RFX4: variants seen among roughly 807,000 people sequenced by gnomAD.
RFX4 encodes regulatory factor X4, also known as transcription factor RFX4.
In RFX4, 10 loss-of-function variants were observed where a neutral mutation model predicts 95.0. That is an observed-to-expected ratio of 0.11 (90% CI 0.06 to 0.18). RFX4 has a LOEUF of 0.18. Ranked by LOEUF, RFX4 falls within the 10% of genes least tolerant of loss-of-function variation. The probability of loss-of-function intolerance (pLI) is 1.00; values close to 1 mark genes in which losing one functional copy is unlikely to be tolerated. For missense variants in RFX4, 640 were observed against 922.0 expected, an observed-to-expected ratio of 0.69 and a Z score of 3.96; for synonymous variants, 321 against 340.7, an observed-to-expected ratio of 0.94 and a Z score of 0.64.
intron 17 of RFX4, among the ~76,000 whole-genome samples, chr12:106,755,071 A>T (rs1458430567): frequency 1.3e-5 from 2 of 152,102 alleles, no homozygotes; most frequent in African/African-American, 2.4e-5. Context: ...AAATATACAG[A>T]CTCACTTAAT....
At chr12:106,625,280 G>A (rs575641287) in intron 2 of RFX4, among the ~76,000 whole-genome samples, 3 of 152,122 alleles carry the variant, frequency 2.0e-5, no homozygotes, top group Admixed American at 6.5e-5. Context: ...CAGTTGATTC[G>A]CTAGAGATTC....
At chr12:106,700,403 CTTTT>C (rs989886928) in intron 8 of RFX4, among the ~76,000 whole-genome samples, 2 of 122,694 alleles carry the variant, frequency 1.6e-5, no homozygotes, top group Non-Finnish European at 1.7e-5. Context: ...TCTTCTTTTT[CTTTT>C]TTTTTTTTTT....
rs1277698050 is a variant in RFX4 at position 106,761,421 on chromosome 12, T to C, written c.2160T>C (p.Pro720=). The C allele has an allele frequency of 6.2e-7, 1 of 1,614,018 alleles. No homozygotes were observed. Among genetic ancestry groups the C allele is most frequent in the Non-Finnish European group, 8.5e-7 (1 of 1,180,026 alleles). The change falls in exon 18 of 18, where the codon CCT becomes CCC. Residue 720 remains proline, a synonymous_variant. Transcript: ENST00000392842. ...AATATGAGCACATGCAACACTTTCC[T>C]GGCTTTGCTTACATCAACGGAGAGG... ...NSEYEHMQHF[P]GFAYINGEAS... is the part of the protein sequence containing the mutation.
At chr12:106,705,842 A>T (rs766228593) in intron 8 of RFX4, among the ~76,000 whole-genome samples, 2 of 152,194 alleles carry the variant, frequency 1.3e-5, no homozygotes, top group Non-Finnish European at 2.9e-5. Context: ...AGCATTTCTT[A>T]TGTGCCTACT....
intron 14 of RFX4, among the ~76,000 whole-genome samples, chr12:106,732,703 A>ATAAG (rs2042635764): frequency 6.6e-6 from 1 of 151,610 alleles, no homozygotes; most frequent in African/African-American, 2.4e-5. Flanking sequence ...CCATCTCAAA[A>ATAAG]TAAGTAAATA....
chr12:106,709,211 C>G (rs1291296992), intron 8 of RFX4, 119 bp from the exon 9 acceptor site: 1 of 761,888 alleles, frequency 1.3e-6, no homozygotes, highest in African/African-American at 1.8e-5. Flanking sequence ...GTTGCTATTA[C>G]AAATGGCACC....
chr12:106,655,088 G>A (rs1450267558), intron 4 of RFX4, among the ~76,000 whole-genome samples: 2 of 152,186 alleles, frequency 1.3e-5, no homozygotes, highest in Non-Finnish European at 2.9e-5. Context: ...TCTGAGTGCA[G>A]GAATACGAAG....
chr12:106,706,200 G>T (rs1163737939), intron 8 of RFX4, among the ~76,000 whole-genome samples: 1 of 152,264 alleles, frequency 6.6e-6, no homozygotes, highest in African/African-American at 2.4e-5. Flanking sequence ...GGAGTTGGAG[G>T]CCAGAGGTCC....
intron 7 of RFX4, among the ~76,000 whole-genome samples, chr12:106,693,930 T>C (rs1175326630): frequency 6.6e-6 from 1 of 152,198 alleles, no homozygotes. Flanking sequence ...AGAAGCACTT[T>C]TTAGAAATCT....
At position 106,694,793 on chromosome 12, in the gene RFX4, G is replaced by C. The variant is rs142622664; in HGVS notation, c.670-1490G>C. 3.6e-3 allele frequency among the ~76,000 whole-genome samples: 543 copies of C among 152,232 alleles called. 4 individuals are homozygous for C. The highest frequency in any genetic ancestry group is 0.013 in the African/African-American group (524 of 41,542). On this transcript the variant is annotated intron_variant, in intron 7 of 17. Coordinates refer to ENST00000392842, the MANE Select transcript of RFX4 (RefSeq NM_213594.3). ...TGGCTCACTGTAATCCCAGGACTTT[G>C]GGAGGCCGAGGCGTGCAGATCACCT...
intron 8 of RFX4, among the ~76,000 whole-genome samples, chr12:106,699,487 GC>G (rs2041945753): frequency 6.6e-6 from 1 of 152,006 alleles, no homozygotes. Context: ...CTATTGATTA[GC>G]AATAGAGAAG....
At chr12:106,658,355 T>A (rs529347691) in intron 4 of RFX4, among the ~76,000 whole-genome samples, 1 of 152,268 alleles carries the variant, frequency 6.6e-6, no homozygotes, top group South Asian at 2.1e-4. Flanking sequence ...TCCACCCAAC[T>A]CTTCCTGCTC....
rs967304563 is a variant in RFX4, at chr12:106,676,829, A to T, written c.316-5164A>T. ...TCATTTCATTCCTCAAACACACCCA[A>T]TGTGTAAATGTAGGAATATGACATA... is the stretch of plus-strand genomic sequence containing the variant. On this transcript the variant is annotated intron_variant, in intron 4 of 17. Transcript: ENST00000392842. Among the ~76,000 whole-genome samples, 2 of 152,248 alleles carry T rather than the reference A, an allele frequency of 1.3e-5. 1 individual carries two copies. Among genetic ancestry groups the T allele is most frequent in the South Asian group, 4.1e-4 (2 of 4,836 alleles).
chr12:106,601,034 T>G, intron 1 of RFX4: 2 of 904,902 alleles, frequency 2.2e-6, no homozygotes, highest in Non-Finnish European at 3.0e-6. Flanking sequence ...TGTCAAACAG[T>G]AGGTTCTAAA....
In RFX4 at chr12:106,654,470, TA is replaced by T. The variant is rs1404567203; in HGVS notation, c.315+120del. On this transcript the variant is annotated intron_variant, in intron 4 of 17. Transcript: ENST00000392842. ...TTATCAAAGTACTTACTTACTTTGG[TA>T]CTTTGACAACTTCAACTTCACTGTA... 10 of 1,203,194 alleles carry T rather than the reference TA, an allele frequency of 8.3e-6. No homozygotes were observed. The African/African-American group carries it at 1.6e-4, about 19-fold the overall frequency. The allele number at this position is 1,203,194 out of a possible 1,614,324, so 74.5% of individuals were successfully genotyped here. A position where few individuals can be genotyped will look rare whatever the true frequency, so the allele number is the denominator to read the frequency against.
chr12:106,652,724 A>G (rs1473102692), intron 3 of RFX4, among the ~76,000 whole-genome samples: 1 of 152,110 alleles, frequency 6.6e-6, no homozygotes, highest in Non-Finnish European at 1.5e-5. Flanking sequence ...TTGGGTATGA[A>G]ATGATTGAAC....
intron 5 of RFX4, 187 bp downstream of exon 5, chr12:106,682,241 C>A (rs772848510): frequency 1.7e-6 from 1 of 594,092 alleles, no homozygotes; most frequent in Non-Finnish European, 3.0e-6. Flanking sequence ...AGAGGTTGTC[C>A]AAAAGCCCAA....
intron 4 of RFX4, among the ~76,000 whole-genome samples, chr12:106,679,879 C>T (rs1034692436): frequency 5.9e-5 from 9 of 152,200 alleles, no homozygotes; most frequent in African/African-American, 2.2e-4. Context: ...CAGTCTTAGG[C>T]TGCACTGCTA....
chr12:106,704,130 G>T (rs979203062), intron 8 of RFX4, among the ~76,000 whole-genome samples: 1 of 135,420 alleles, frequency 7.4e-6, no homozygotes, highest in African/African-American at 2.8e-5. Context: ...GCAAATAAAT[G>T]AAATAGTCAG....
Sources: allele counts gnomAD v4.1 joint callset (sites outside exome capture counted in the v4.1 genomes callset), GRCh38; gene constraint gnomAD v4.1.1; transcripts MANE v1.5; gene names NCBI Gene and HGNC (gene_info 2026-07-23, HGNC 2026-07-21).